Variants in DENND1B observed in about 807,000 individuals in gnomAD.
DENND1B encodes the protein DENN domain containing 1B.
A neutral mutation model predicts 90.1 loss-of-function variants in DENND1B; 59 were observed. The ratio of observed to expected loss-of-function variants is 0.65; its 90% CI spans 0.53 to 0.81. The LOEUF (loss-of-function observed/expected upper bound fraction) is 0.81, where lower values mean the gene tolerates loss of function less well. DENND1B is among the 40% of genes least tolerant of loss of function. The pLI, the probability that DENND1B is intolerant of heterozygous loss-of-function variation, is 0.00. For missense variants in DENND1B, 862 were observed against 912.6 expected (o/e 0.94, Z 0.71); for synonymous variants, 337 against 324.6 (o/e 1.04, Z -0.41).
chr1:197,751,608 C>T (rs1053575176), intron 2 of DENND1B, among the ~76,000 whole-genome samples: 5 of 152,110 alleles, frequency 3.3e-5, no homozygotes, highest in Non-Finnish European at 7.4e-5. Context: ...CTTTGGGAGG[C>T]CGAGGTGGGT....
chr1:197,619,164 A>G (rs1677921163), intron 10 of DENND1B, among the ~76,000 whole-genome samples: 3 of 151,298 alleles, frequency 2.0e-5, no homozygotes, highest in Admixed American at 2.0e-4. Context: ...AGGTTATGAT[A>G]GTATTCCTTC....
chr1:197,560,337 G>A (rs1033421805), intron 15 of DENND1B, among the ~76,000 whole-genome samples: 2 of 151,888 alleles, frequency 1.3e-5, no homozygotes, highest in Admixed American at 6.6e-5. Flanking sequence ...AAGCCCTTGT[G>A]ATGCTTAAAC....
At chr1:197,722,653 C>T (rs1661290414) in intron 2 of DENND1B, among the ~76,000 whole-genome samples, 1 of 152,080 alleles carries the variant, frequency 6.6e-6, no homozygotes, top group African/African-American at 2.4e-5. Context: ...CAAATCAATA[C>T]CTTCTCAATC....
At chr1:197,562,698 C>A (rs774005016) in intron 15 of DENND1B, among the ~76,000 whole-genome samples, 4 of 151,838 alleles carry the variant, frequency 2.6e-5, no homozygotes, top group Non-Finnish European at 5.9e-5. Context: ...ATGACCTCCA[C>A]GCATCCAAGG....
At chr1:197,571,441 G>A (rs1673143994) in intron 15 of DENND1B, among the ~76,000 whole-genome samples, 1 of 152,046 alleles carries the variant, frequency 6.6e-6, no homozygotes, top group Admixed American at 6.6e-5. Context: ...TTAGGTCTTT[G>A]TAACAATTCT....
intron 13 of DENND1B, among the ~76,000 whole-genome samples, chr1:197,602,806 G>A (rs1039740610): frequency 2.6e-5 from 4 of 151,332 alleles, no homozygotes; most frequent in East Asian, 3.9e-4. Flanking sequence ...AAATTCACTT[G>A]AATGTAGATA....
upstream of DENND1B, among the ~76,000 whole-genome samples, chr1:197,776,333 G>A (rs1373304017): frequency 6.6e-6 from 1 of 152,170 alleles, no homozygotes; most frequent in Admixed American, 6.5e-5. Flanking sequence ...TCTATCTGAT[G>A]CTGATTATTT....
intron 7 of DENND1B, among the ~76,000 whole-genome samples, chr1:197,648,973 T>G (rs1652796646): frequency 6.6e-6 from 1 of 152,170 alleles, no homozygotes; most frequent in Admixed American, 6.5e-5. Context: ...ACCTTTCCAC[T>G]TTGACAGTGT....
At chr1:197,527,247 G>A (rs888441847) in intron 20 of DENND1B, among the ~76,000 whole-genome samples, 8 of 151,112 alleles carry the variant, frequency 5.3e-5, no homozygotes, top group Non-Finnish European at 1.2e-4. Flanking sequence ...ACATGGACGT[G>A]TGTTAAAAGA....
chr1:197,505,385 G>A lies in DENND1B; in HGVS notation c.*5075C>T, dbSNP rs1040140996. 10 of 151,468 alleles carry A rather than the reference G, an allele frequency of 6.6e-5. No homozygotes were observed. The highest frequency in any genetic ancestry group is 2.4e-4 in the African/African-American group (10 of 41,320). The allele number at this position is 151,468 out of a possible 1,614,324, so 9.4% of individuals were successfully genotyped here. A position where few individuals can be genotyped will look rare whatever the true frequency, so the allele number is the denominator to read the frequency against. On this transcript the variant is annotated 3_prime_UTR_variant, in exon 23 of 23. Transcript: ENST00000620048. ...GGACCTCAACAAGGCTCACATTTGA[G>A]AAATGAAATAACAGAGATGAATAGA... is the stretch of plus-strand genomic sequence containing the variant.
chr1:197,591,927 G>A (rs2025589), intron 14 of DENND1B, among the ~76,000 whole-genome samples: 1,538 of 151,926 alleles, frequency 0.01, 17 homozygotes, highest in Middle Eastern at 0.034. Flanking sequence ...TGGCTAACGC[G>A]GCAAAACCCC....
At chr1:197,744,641 G>A (rs1197915549) in intron 2 of DENND1B, among the ~76,000 whole-genome samples, 1 of 152,134 alleles carries the variant, frequency 6.6e-6, no homozygotes, top group Non-Finnish European at 1.5e-5. Flanking sequence ...ATTTGTAAGG[G>A]CCCTGGGATT....
chr1:197,696,765 C>T (rs541728158), intron 3 of DENND1B, among the ~76,000 whole-genome samples: 8 of 151,286 alleles, frequency 5.3e-5, no homozygotes, highest in South Asian at 2.1e-4. Flanking sequence ...TTCAACTAGC[C>T]GTTCAAAAAC....
At chr1:197,641,838 C>T (rs1258762846) in intron 10 of DENND1B, among the ~76,000 whole-genome samples, 1 of 151,572 alleles carries the variant, frequency 6.6e-6, no homozygotes, top group Non-Finnish European at 1.5e-5. Context: ...ACTTTAAATG[C>T]TAAAATACAG....
intron 14 of DENND1B, among the ~76,000 whole-genome samples, chr1:197,583,968 C>T (rs1416567355): frequency 1.3e-5 from 2 of 152,098 alleles, no homozygotes; most frequent in African/African-American, 4.8e-5. Context: ...CTATTTCCCT[C>T]ATCAGCCTGA....
chr1:197,518,850 G>T (rs1316735542), intron 20 of DENND1B, among the ~76,000 whole-genome samples: 1 of 151,844 alleles, frequency 6.6e-6, no homozygotes, highest in Non-Finnish European at 1.5e-5. Context: ...AGACTGTCGG[G>T]AAAACTGTGA....
intron 11 of DENND1B, among the ~76,000 whole-genome samples, chr1:197,616,403 G>A (rs1677650169): frequency 6.6e-6 from 1 of 150,942 alleles, no homozygotes; most frequent in Non-Finnish European, 1.5e-5. Flanking sequence ...TTAGACTTGT[G>A]TGTGTGACAC....
chr1:197,542,939 T>G (rs1256887418), intron 18 of DENND1B, among the ~76,000 whole-genome samples: 2 of 151,824 alleles, frequency 1.3e-5, no homozygotes, highest in Admixed American at 6.6e-5. Flanking sequence ...ATTTATTTAT[T>G]TATTTTTTTC....
chr1:197,774,186 C>A (rs1656976921), intron 1 of DENND1B, among the ~76,000 whole-genome samples: 1 of 152,108 alleles, frequency 6.6e-6, no homozygotes, highest in Admixed American at 6.6e-5. Context: ...GTCAAACACA[C>A]TGAAGAAAAT....
Sources: gnomAD v4.1 joint callset for allele counts (sites outside exome capture counted in the v4.1 genomes callset) on GRCh38, gnomAD v4.1.1 for gene constraint, MANE v1.5 for transcripts, NCBI Gene and HGNC (gene_info 2026-07-23, HGNC 2026-07-21) for gene names.